TASP1: variants seen among roughly 807,000 people sequenced by gnomAD.
TASP1 encodes threonine aspartase 1.
In TASP1, 16 loss-of-function variants were observed where a neutral mutation model predicts 56.6. The observed-to-expected ratio is 0.28, with a 90% CI of 0.19 to 0.43. TASP1 has a LOEUF of 0.43. Ranked by LOEUF, TASP1 falls within the 20% of genes least tolerant of loss-of-function variation. TASP1 has a pLI of 1.00. For synonymous variants in TASP1, 179 were observed against 184.2 expected (o/e 0.97, Z 0.23); for missense variants, 393 against 511.6 (o/e 0.77, Z 2.24).
chr20:13,299,771 G>A, the TASP1 span: 3 of 270,422 alleles, frequency 1.1e-5, no homozygotes, highest in African/African-American at 2.1e-5. This position sits in a 1 kb window ranked among gnomAD's most constrained non-coding sequence, Gnocchi z 5.8. Flanking sequence ...ATTCACACCC[G>A]GATCCAGAGT....
intron 11 of TASP1, among the ~76,000 whole-genome samples, chr20:13,455,902 C>T (rs1007076553): frequency 1.3e-5 from 2 of 152,122 alleles, no homozygotes; most frequent in African/African-American, 4.8e-5. Context: ...TCAGCTTACA[C>T]AATACTGACT....
chr20:13,419,586 A>G (rs1269399654), intron 12 of TASP1, among the ~76,000 whole-genome samples: 1 of 152,164 alleles, frequency 6.6e-6, no homozygotes, highest in East Asian at 1.9e-4. Flanking sequence ...CTGATAATAA[A>G]ACTGCATTGC....
intron 10 of TASP1, among the ~76,000 whole-genome samples, chr20:13,527,024 A>G (rs1177263057): frequency 3.3e-5 from 5 of 152,156 alleles, no homozygotes; most frequent in Admixed American, 1.3e-4. Context: ...CAATCCCAAG[A>G]GAGAACAGCT....
chr20:13,120,801 C>T, the TASP1 span, among the ~76,000 whole-genome samples: 1 of 152,338 alleles, frequency 6.6e-6, no homozygotes, highest in Admixed American at 6.5e-5. Flanking sequence ...AAGTTGCTGC[C>T]AGGCTGTGAT....
the TASP1 span, among the ~76,000 whole-genome samples, chr20:13,353,517 T>C: frequency 6.6e-6 from 1 of 152,248 alleles, no homozygotes; most frequent in African/African-American, 2.4e-5. Context: ...TAAGGAAAGC[T>C]ATTTCGCCAT....
At chr20:13,549,430 GTGTGTGTGTA>G (rs573872908) in intron 8 of TASP1, among the ~76,000 whole-genome samples, 169 of 152,108 alleles carry the variant, frequency 1.1e-3, no homozygotes, top group Non-Finnish European at 1.7e-3. Flanking sequence ...ATAGGTGTGT[GTGTGTGTGTA>G]TGTGTGTGTG....
chr20:13,604,527 C>A (rs1298757142), intron 4 of TASP1, among the ~76,000 whole-genome samples: 6 of 152,156 alleles, frequency 3.9e-5, no homozygotes, highest in Non-Finnish European at 8.8e-5. Context: ...CCAAATAAAC[C>A]TCTTTTCTTT....
At chr20:13,294,989 T>G in the TASP1 span, among the ~76,000 whole-genome samples, 3 of 152,282 alleles carry the variant, frequency 2.0e-5, no homozygotes, top group Non-Finnish European at 1.5e-5. Context: ...TCTGAGTTCA[T>G]AAGACATGCC....
At chr20:13,110,338 G>A in the TASP1 span, 1 of 801,372 alleles carries the variant, frequency 1.2e-6, no homozygotes, top group Middle Eastern at 2.6e-4. Flanking sequence ...TATGACACAG[G>A]GACCTGAGAC....
At chr20:13,183,611 AT>A in the TASP1 span, among the ~76,000 whole-genome samples, 2 of 152,248 alleles carry the variant, frequency 1.3e-5, no homozygotes, top group Non-Finnish European at 2.9e-5. Context: ...TAGATAGGAA[AT>A]GAGAATTTTA....
the TASP1 span, among the ~76,000 whole-genome samples, chr20:13,127,030 G>A: frequency 7.2e-5 from 11 of 152,342 alleles, no homozygotes; most frequent in South Asian, 6.2e-4. Flanking sequence ...ATGTTTGCCT[G>A]TGCTTGCTTG....
At chr20:13,372,371 T>C in the TASP1 span, among the ~76,000 whole-genome samples, 1 of 152,188 alleles carries the variant, frequency 6.6e-6, no homozygotes, top group African/African-American at 2.4e-5. Context: ...CTCTGTCTGC[T>C]GATCTTCAGA....
At chr20:13,632,025 C>G (rs2049105825) in intron 1 of TASP1, among the ~76,000 whole-genome samples, 1 of 151,690 alleles carries the variant, frequency 6.6e-6, no homozygotes, top group African/African-American at 2.4e-5. Flanking sequence ...GCACTCCAGC[C>G]TGGGCGACGG....
intron 10 of TASP1, among the ~76,000 whole-genome samples, chr20:13,517,543 G>T (rs1309969729): frequency 6.6e-6 from 1 of 151,854 alleles, no homozygotes; most frequent in South Asian, 2.1e-4. Flanking sequence ...ACTACCACAG[G>T]ATGGCAAAAA....
chr20:13,218,481 A>G, the TASP1 span, among the ~76,000 whole-genome samples: 90 of 152,300 alleles, frequency 5.9e-4, 1 homozygote, highest in African/African-American at 2.0e-3. Context: ...TTCTACCACA[A>G]AGGTGATCCC....
the TASP1 span, among the ~76,000 whole-genome samples, chr20:13,323,100 A>C: frequency 6.6e-6 from 1 of 152,126 alleles, no homozygotes; most frequent in Non-Finnish European, 1.5e-5. Flanking sequence ...CGGAGGAAAA[A>C]TAGGAACTAA....
At chr20:13,198,834 CTTTCTTTCTTTCTTTCTTTCT>C in the TASP1 span, among the ~76,000 whole-genome samples, 5 of 138,492 alleles carry the variant, frequency 3.6e-5, no homozygotes, top group East Asian at 2.2e-4. Context: ...TTCTTTCTTT[CTTTCTTTCTTTCTTTCTTTCT>C]TTCCTTCCTT....
At chr20:13,280,018 A>G in the TASP1 span, 2,740 of 934,258 alleles carry the variant, frequency 2.9e-3, 45 homozygotes, top group African/African-American at 0.039. Context: ...CTGTGAGGCA[A>G]ACCTCACAAA....
the TASP1 span, among the ~76,000 whole-genome samples, chr20:13,324,495 T>C: frequency 2.6e-5 from 4 of 152,316 alleles, no homozygotes; most frequent in African/African-American, 9.6e-5. Flanking sequence ...CATCCTTACT[T>C]CTCACTGAAA....
Sources: gnomAD v4.1 joint callset for allele counts (sites outside exome capture counted in the v4.1 genomes callset) on GRCh38, gnomAD v4.1.1 for gene constraint, Gnocchi (gnomAD v3.1) non-coding constraint, MANE v1.5 for transcripts, NCBI Gene and HGNC (gene_info 2026-07-23, HGNC 2026-07-21) for gene names.